Variants in C10orf90 observed in about 807,000 individuals in gnomAD.
The protein encoded by C10orf90 is chromosome 10 open reading frame 90.
In C10orf90, 56 loss-of-function variants were observed where a neutral mutation model predicts 62.5. The ratio of observed to expected loss-of-function variants is 0.90; its 90% CI spans 0.72 to 1.12. The LOEUF is 1.12. Ranked by LOEUF, C10orf90 falls within the 50% of genes most tolerant of loss-of-function variation. C10orf90 has a pLI of 0.00. For synonymous variants in C10orf90, 386 were observed against 340.4 expected, an observed-to-expected ratio of 1.13 and a Z score of -1.47; for missense variants, 970 against 880.4, an observed-to-expected ratio of 1.10 and a Z score of -1.29.
At position 126,510,864 on chromosome 10, in the gene C10orf90, G is replaced by A. The variant is rs193210490; in HGVS notation, c.405+2984C>T. On this transcript the variant is annotated intron_variant, in intron 3 of 9. Coordinates refer to ENST00000488181, the MANE Select transcript of C10orf90 (RefSeq NM_001350921.2). The stretch of plus-strand genomic sequence containing the variant: ...GAAAGAGTCAAGTAGCAGATGATCA[G>A]AGGAATCGGCTCCTAAGCCACTGGA... Among the ~76,000 whole-genome samples, 5 of 152,352 alleles carry A rather than the reference G, an allele frequency of 3.3e-5. No individual in the cohort carries two copies. In the East Asian group the frequency reaches 7.7e-4, roughly 23 times the overall value.
At chr10:126,664,490 G>A (rs1846585475) in intron 1 of C10orf90, among the ~76,000 whole-genome samples, 1 of 152,132 alleles carries the variant, frequency 6.6e-6, no homozygotes, top group East Asian at 1.9e-4. Context: ...AGAAAACTAG[G>A]CTCAAAGAGA....
rs756473266 is a variant in C10orf90, at chr10:126,504,074, C to T, written c.1417G>A (p.Val473Met). 1.2e-5 allele frequency: 19 copies of T among 1,614,014 alleles called. No individual in the cohort carries two copies. In the African/African-American group the frequency reaches 1.7e-4, roughly 15 times the overall value. The change falls in exon 4 of 10, where the codon GTG becomes ATG. Residue 473 changes from valine to methionine, a missense_variant. Physicochemically the swap from Val to Met is conservative, Grantham distance 21 (BLOSUM62 1). Transcript: ENST00000488181. This position sits in a 1 kb window ranked among gnomAD's most constrained non-coding sequence, Gnocchi z 4.1. Reference sequence around the variant, plus strand: ...CTTACAGTGACTTGGTTAGCTCCCACATTTGCCAATTCTGTGTTTTCCAAT... The same window carrying T: ...CTTACAGTGACTTGGTTAGCTCCCATATTTGCCAATTCTGTGTTTTCCAAT... Reference protein sequence around the residue: ...FPLENTELANVGANQVTVRKG... With the variant: ...FPLENTELANMGANQVTVRKG...
intron 2 of C10orf90, among the ~76,000 whole-genome samples, chr10:126,626,128 CAA>C (rs35587001): frequency 0.12 from 13,188 of 109,680 alleles, 573 homozygotes; most frequent in Middle Eastern, 0.16. Flanking sequence ...GATTCCATCT[CAA>C]AAAAAAAAAA....
At chr10:126,476,658 TC>T (rs1367150273) in intron 4 of C10orf90, among the ~76,000 whole-genome samples, 1 of 152,220 alleles carries the variant, frequency 6.6e-6, no homozygotes, top group Non-Finnish European at 1.5e-5. Context: ...AGACAAATGC[TC>T]CGCTTTCTAA....
At chr10:126,545,326 C>G (rs888908521) in intron 2 of C10orf90, among the ~76,000 whole-genome samples, 2 of 152,154 alleles carry the variant, frequency 1.3e-5, no homozygotes, top group Non-Finnish European at 2.9e-5. Context: ...ATATCCTAAC[C>G]CTTCTTGGTC....
intron 8 of C10orf90, among the ~76,000 whole-genome samples, chr10:126,427,967 G>A (rs1004877376): frequency 6.6e-6 from 1 of 152,086 alleles, no homozygotes; most frequent in South Asian, 2.1e-4. Flanking sequence ...AAGGCTCCTA[G>A]GTCCCACCTC....
chr10:126,487,745 C>T (rs967852001), intron 4 of C10orf90, among the ~76,000 whole-genome samples: 2 of 151,896 alleles, frequency 1.3e-5, no homozygotes, highest in African/African-American at 2.4e-5. Flanking sequence ...GATCTGCGTG[C>T]ACAAGGGAAA....
chr10:126,505,525 C>A (rs1166627559), intron 3 of C10orf90, among the ~76,000 whole-genome samples: 2 of 152,188 alleles, frequency 1.3e-5, no homozygotes, highest in Non-Finnish European at 2.9e-5. Flanking sequence ...AAGGAAACAG[C>A]AACGGTGGTT....
At chr10:126,582,103 G>A (rs1320366385) in intron 2 of C10orf90, among the ~76,000 whole-genome samples, 1 of 152,208 alleles carries the variant, frequency 6.6e-6, no homozygotes, top group Non-Finnish European at 1.5e-5. Flanking sequence ...TGCAGCTGCT[G>A]TGGGACTTGT....
intron 2 of C10orf90, among the ~76,000 whole-genome samples, chr10:126,564,122 T>C (rs758640417): frequency 5.3e-5 from 8 of 152,078 alleles, no homozygotes; most frequent in Non-Finnish European, 1.0e-4. Flanking sequence ...TGGGGAGACA[T>C]GGACCAGGAA....
rs796642138 is a variant in C10orf90, at chr10:126,565,042, T to A, written c.314-51103A>T. On this transcript the variant is annotated intron_variant, in intron 2 of 9. Coordinates refer to ENST00000488181, the MANE Select transcript of C10orf90 (RefSeq NM_001350921.2). ...TATATTATATATTATATAAAATATA[T>A]AATATATAATATATAAAATATATAT... Among the ~76,000 whole-genome samples the A allele has an allele frequency of 7.1e-3, 104 of 14,726 alleles. 40 individuals are homozygous for A. Among genetic ancestry groups the A allele is most frequent in the Non-Finnish European group, 0.011 (79 of 6,938 alleles). 9.7% of individuals were successfully genotyped at this position (14,726 alleles called of 152,430 possible).
At chr10:126,432,698 G>T (rs1340308338) in intron 7 of C10orf90, among the ~76,000 whole-genome samples, 1 of 152,212 alleles carries the variant, frequency 6.6e-6, no homozygotes, top group East Asian at 1.9e-4. Flanking sequence ...GGGAGGGAGG[G>T]TGCAGAGGCG....
chr10:126,618,344 A>G (rs1323580843), intron 2 of C10orf90, among the ~76,000 whole-genome samples: 2 of 152,186 alleles, frequency 1.3e-5, no homozygotes, highest in East Asian at 1.9e-4. Flanking sequence ...TGACATTGAC[A>G]TGGAAACTCA....
At chr10:126,454,105 G>T (rs1859378884) in intron 7 of C10orf90, among the ~76,000 whole-genome samples, 1 of 152,022 alleles carries the variant, frequency 6.6e-6, no homozygotes, top group African/African-American at 2.4e-5. Context: ...GCATGGTGAA[G>T]ACTGCCACTG....
At chr10:126,661,670 CTT>C (rs56106518) in intron 1 of C10orf90, among the ~76,000 whole-genome samples, 23 of 144,778 alleles carry the variant, frequency 1.6e-4, no homozygotes, top group African/African-American at 2.3e-4. Context: ...CTCTCTCTCT[CTT>C]TTTTTTTTTT....
intron 2 of C10orf90, among the ~76,000 whole-genome samples, chr10:126,514,426 T>G (rs1198076248): frequency 1.3e-5 from 2 of 152,182 alleles, no homozygotes; most frequent in Non-Finnish European, 2.9e-5. Context: ...GATAATTTAG[T>G]GATCATATAA....
intron 2 of C10orf90, among the ~76,000 whole-genome samples, chr10:126,616,924 T>C (rs1190157462): frequency 6.6e-6 from 1 of 152,112 alleles, no homozygotes; most frequent in African/African-American, 2.4e-5. Context: ...CCTTCCTGCT[T>C]CCCACACCTC....
intron 4 of C10orf90, among the ~76,000 whole-genome samples, chr10:126,466,690 G>A (rs541139152): frequency 1.3e-5 from 2 of 152,272 alleles, no homozygotes; most frequent in South Asian, 2.1e-4. Context: ...TATTCACCAA[G>A]AGGGGAAGAA....
intron 2 of C10orf90, 44 bp from the exon 3 acceptor site, chr10:126,513,983 G>A (rs1487971604): frequency 7.4e-7 from 1 of 1,347,338 alleles, no homozygotes; most frequent in Non-Finnish European, 1.1e-6. Flanking sequence ...GTATATAAAA[G>A]GATAAAATGG....
Sources: allele counts gnomAD v4.1 joint callset (sites outside exome capture counted in the v4.1 genomes callset), GRCh38; gene constraint gnomAD v4.1.1; non-coding constraint Gnocchi (gnomAD v3.1); transcripts MANE v1.5; gene names NCBI Gene and HGNC (gene_info 2026-07-23, HGNC 2026-07-21).